OTC: variants seen among roughly 807,000 people sequenced by gnomAD.
OTC encodes the protein ornithine transcarbamylase.
OTC carries 3 observed loss-of-function variants against 30.3 expected under a neutral mutation model. The observed-to-expected ratio is 0.10, with a 90% CI of 0.05 to 0.26. The LOEUF (loss-of-function observed/expected upper bound fraction) is 0.26. Among genes scored for constraint, OTC ranks in the 10% least tolerant of loss-of-function variants. The pLI is 1.00. For missense variants in OTC, 194 were observed against 260.3 expected (o/e 0.75, Z 1.75); for synonymous variants, 111 against 99.7 (o/e 1.11, Z -0.67).
chrX:38,342,289 A>G, the OTC span, among the ~76,000 whole-genome samples: 1 of 110,774 alleles, frequency 9.0e-6, no homozygotes, highest in Non-Finnish European at 1.9e-5. Flanking sequence ...CTGGGATTAC[A>G]GGCGTGAGCC....
chrX:38,383,657 G>A (rs561991769), intron 4 of OTC, among the ~76,000 whole-genome samples: 36 of 110,772 alleles, frequency 3.2e-4, no homozygotes, highest in African/African-American at 1.1e-3. Context: ...AATTAGCCGG[G>A]CGTGGTGGCG....
intron 9 of OTC, among the ~76,000 whole-genome samples, chrX:38,416,925 C>T (rs2068573072): frequency 8.9e-6 from 1 of 111,958 alleles, no homozygotes; most frequent in Non-Finnish European, 1.9e-5. Context: ...ACCTGGTAGA[C>T]ATTCTTATGC....
At chrX:38,401,494 A>T in intron 5 of OTC, 66 bp downstream of exon 5, 1 of 880,489 alleles carries the variant, frequency 1.1e-6, no homozygotes, top group Non-Finnish European at 1.7e-6. Flanking sequence ...TTTAAGTGAA[A>T]CAGTTTACTT....
At chrX:38,354,794 C>T (rs954031630) in intron 1 of OTC, among the ~76,000 whole-genome samples, 1 of 111,690 alleles carries the variant, frequency 9.0e-6, no homozygotes, top group African/African-American at 3.3e-5. Flanking sequence ...TCTCACGTGG[C>T]ATAGGTATTT....
the OTC span, among the ~76,000 whole-genome samples, chrX:38,336,109 G>C: frequency 1.8e-5 from 2 of 111,312 alleles, no homozygotes; most frequent in Non-Finnish European, 3.8e-5. Flanking sequence ...GTTGGAAGGA[G>C]ATTGGGGCAA....
At chrX:38,361,565 G>A (rs542374324) in intron 1 of OTC, among the ~76,000 whole-genome samples, 8 of 111,899 alleles carry the variant, frequency 7.1e-5, no homozygotes, top group African/African-American at 2.6e-4. Flanking sequence ...ATTACACAGC[G>A]TTCAAAGTGC....
At chrX:38,379,726 T>A (rs767139422) in intron 3 of OTC, among the ~76,000 whole-genome samples, 35 of 110,043 alleles carry the variant, frequency 3.2e-4, no homozygotes, top group Non-Finnish European at 6.3e-4. Context: ...GCCTCCCAGG[T>A]TCATGCCATC....
At chrX:38,338,579 C>T in the OTC span, among the ~76,000 whole-genome samples, 451 of 112,151 alleles carry the variant, frequency 4.0e-3, 2 homozygotes, top group African/African-American at 0.014. Flanking sequence ...CACACTTTGC[C>T]CCCTTCCTTT....
At chrX:38,378,895 C>A (rs1054665735) in intron 3 of OTC, among the ~76,000 whole-genome samples, 1 of 111,567 alleles carries the variant, frequency 9.0e-6, no homozygotes, top group Non-Finnish European at 1.9e-5. Context: ...ATATGGAGTT[C>A]TAGTGTGATT....
Position 38,380,796 on chromosome X carries a change from T to C in OTC, c.299-546T>C, listed in dbSNP as rs780036849. ...CAGGCTGGAGTGCAGTGGCATGATC[T>C]CGGCTCACTACAACCCCTGCCTCCC... On this transcript the variant is annotated intron_variant, in intron 3 of 9. Transcript: ENST00000039007. Among the ~76,000 whole-genome samples the C allele has an allele frequency of 3.6e-5, 4 of 111,833 alleles. No homozygotes were observed. The South Asian group carries it at 1.5e-3, about 42-fold the overall frequency.
chrX:38,382,710 A>G (rs1041080849), intron 4 of OTC, among the ~76,000 whole-genome samples: 8 of 112,485 alleles, frequency 7.1e-5, no homozygotes, highest in Admixed American at 1.9e-4. Flanking sequence ...AAAAGCAAAT[A>G]TTACAAGCTG....
At chrX:38,348,798 G>A (rs1398020883), upstream of OTC, among the ~76,000 whole-genome samples, 8 of 111,491 alleles carry the variant, frequency 7.2e-5, no homozygotes, top group Non-Finnish European at 1.3e-4. Context: ...CTTCATCTCT[G>A]TGTTCAGTGA....
Position 38,401,326 on chromosome X carries a change from A to C in OTC, c.438A>C (p.Ser146=). The change falls in exon 5 of 10, where the codon TCA becomes TCC. Residue 146 remains serine (S), a synonymous_variant. Transcript: ENST00000039007. The part of the protein sequence containing the change: ...DAVLARVYKQ[S]DLDTLAKEAS... ...TATTGGCTCGAGTGTATAAACAATC[A>C]GATTTGGACACCCTGGCTAAAGAAG... 8.4e-7 allele frequency: 1 copy of C among 1,197,371 alleles called. No individual in the cohort carries two copies. Among genetic ancestry groups the C allele is most frequent in the Non-Finnish European group, 1.1e-6 (1 of 882,394 alleles).
chrX:38,395,318 T>C (rs756126370), intron 4 of OTC: 61 of 112,588 alleles, frequency 5.4e-4, no homozygotes, highest in Non-Finnish European at 2.1e-4. Flanking sequence ...GGTCATGAAA[T>C]TTGCATGATA....
chrX:38,373,975 T>A (rs761665023), intron 3 of OTC, among the ~76,000 whole-genome samples: 3 of 111,092 alleles, frequency 2.7e-5, no homozygotes, highest in Non-Finnish European at 5.7e-5. Flanking sequence ...CCATCCTGGC[T>A]AACACAGTGA....
intron 4 of OTC, among the ~76,000 whole-genome samples, chrX:38,400,378 C>T (rs1437929554): frequency 9.0e-6 from 1 of 111,614 alleles, no homozygotes; most frequent in African/African-American, 3.3e-5. Flanking sequence ...ATTTTGTAAG[C>T]ACCAGAGTTT....
intron 9 of OTC, among the ~76,000 whole-genome samples, chrX:38,417,713 T>C (rs766118820): frequency 6.2e-5 from 7 of 112,200 alleles, no homozygotes; most frequent in Admixed American, 4.7e-4. Context: ...TAGGAACACA[T>C]GTACAGTGTG....
intron 9 of OTC, 114 bp downstream of exon 9, chrX:38,412,113 A>G (rs758372463): frequency 1.4e-5 from 10 of 723,890 alleles, no homozygotes; most frequent in South Asian, 2.3e-5. Context: ...TTACTTGCTC[A>G]TGTAACATCT....
intron 4 of OTC, among the ~76,000 whole-genome samples, chrX:38,393,354 A>C (rs1314800303): frequency 8.9e-6 from 1 of 112,602 alleles, no homozygotes; most frequent in Non-Finnish European, 1.9e-5. Flanking sequence ...TTATTTTGAC[A>C]ACAAAACTGG....
Sources: gnomAD v4.1 joint callset for allele counts (sites outside exome capture counted in the v4.1 genomes callset) on GRCh38, gnomAD v4.1.1 for gene constraint, MANE v1.5 for transcripts, NCBI Gene and HGNC (gene_info 2026-07-23, HGNC 2026-07-21) for gene names.